ALPK3: variants seen among roughly 807,000 people sequenced by gnomAD.
ALPK3 encodes the protein alpha kinase 3.
Under a neutral mutation model 140.0 loss-of-function variants are expected in ALPK3, and 102 were observed. The ratio of observed to expected loss-of-function variants is 0.73; its 90% CI spans 0.62 to 0.86. ALPK3 has a LOEUF of 0.86. Among genes scored for constraint, ALPK3 ranks in the 40% least tolerant of loss-of-function variants. The pLI is 0.00. For missense variants in ALPK3, 2,254 were observed against 2,208.2 expected, an observed-to-expected ratio of 1.02 and a Z score of -0.42; for synonymous variants, 938 against 898.5, an observed-to-expected ratio of 1.04 and a Z score of -0.79.
intron 7 of ALPK3, 121 bp downstream of exon 7, chr15:84,859,511 C>T (rs1963915038): frequency 1.5e-6 from 2 of 1,375,762 alleles, no homozygotes; most frequent in South Asian, 1.5e-5. Context: ...AGGGGAGGTC[C>T]TTTTATTCCC....
intron 12 of ALPK3, among the ~76,000 whole-genome samples, chr15:84,865,144 C>A (rs151282847): frequency 6.6e-6 from 1 of 152,290 alleles, no homozygotes; most frequent in African/African-American, 2.4e-5. Context: ...AGTCTAGCTT[C>A]TTTTTAGTTT....
intron 6 of ALPK3, 141 bp from the exon 7 acceptor site, chr15:84,859,101 AC>A: frequency 8.8e-7 from 1 of 1,142,334 alleles, no homozygotes; most frequent in Non-Finnish European, 1.2e-6. Context: ...GGCAGGAGGC[AC>A]CGGGGGGCTG....
chr15:84,845,619 G>A (rs1963721481), intron 5 of ALPK3, among the ~76,000 whole-genome samples: 1 of 152,180 alleles, frequency 6.6e-6, no homozygotes, highest in South Asian at 2.1e-4. Context: ...GATTGTTCCT[G>A]CATGGATCTG....
chr15:84,867,408 C>T lies in ALPK3; in HGVS notation c.4772+43C>T, dbSNP rs566584212. 1.6e-5 allele frequency: 25 copies of T among 1,608,846 alleles called. No individual in the cohort carries two copies. The South Asian group carries it at 2.3e-4, about 15-fold the overall frequency. On this transcript the variant is annotated intron_variant, in intron 13 of 13. Transcript: ENST00000258888. ...ACAGAATGCCCTCTGGGCGTCTTCT[C>T]AGGGTGTAAAATGTCCTAAGCCCTT...
At position 84,817,606 on chromosome 15, in the gene ALPK3, C is replaced by G; in HGVS notation, c.143+11C>G. On this transcript the variant is annotated intron_variant, in intron 1 of 13. Coordinates refer to ENST00000258888, the MANE Select transcript of ALPK3 (RefSeq NM_020778.5). ...GCGGCCCGAGACCAGGTAAGTGGCACCAAGGGGCAGGGCGGCGTCGGGCCG... is the reference window on the plus strand; with the variant it reads ...GCGGCCCGAGACCAGGTAAGTGGCAGCAAGGGGCAGGGCGGCGTCGGGCCG... 2.0e-6 allele frequency: 3 copies of G among 1,491,818 alleles called. No homozygotes were observed. The highest frequency in any genetic ancestry group is 2.7e-6 in the Non-Finnish European group (3 of 1,126,094). The allele number at this position is 1,491,818 out of a possible 1,614,324, so 92.4% of individuals were successfully genotyped here.
Position 84,863,497 on chromosome 15 carries a change from C to G in ALPK3, c.4411-55C>G, listed in dbSNP as rs1963971104. 1.6e-5 allele frequency: 24 copies of G among 1,499,546 alleles called. No homozygotes were observed. In the South Asian group the frequency reaches 2.7e-4, roughly 17 times the overall value. 92.9% of individuals were successfully genotyped at this position (1,499,546 alleles called of 1,614,324 possible). A position where few individuals can be genotyped will look rare whatever the true frequency, so the allele number is the denominator to read the frequency against. On this transcript the variant is annotated intron_variant, in intron 10 of 13. Coordinates refer to ENST00000258888, the MANE Select transcript of ALPK3 (RefSeq NM_020778.5). ...TAGCCCACTCACTTAGGGGTAGACACAGTGGAGGACTGAGGAATTTCTTTG... is the reference window on the plus strand; with the variant it reads ...TAGCCCACTCACTTAGGGGTAGACAGAGTGGAGGACTGAGGAATTTCTTTG...
chr15:84,864,081 C>G (rs968436395), intron 11 of ALPK3, among the ~76,000 whole-genome samples: 2 of 152,118 alleles, frequency 1.3e-5, no homozygotes, highest in Non-Finnish European at 2.9e-5. Flanking sequence ...CTTTGCATAC[C>G]TGGGGTCCCA....
chr15:84,837,593 G>A (rs1963609227), intron 3 of ALPK3, among the ~76,000 whole-genome samples: 1 of 152,188 alleles, frequency 6.6e-6, no homozygotes, highest in Admixed American at 6.5e-5. Flanking sequence ...ATATCTTTGA[G>A]TGAATGTATG....
rs549394061 is a variant in ALPK3 at position 84,856,430 on chromosome 15, G to A, written c.1692G>A (p.Ser564=). 1.6e-5 allele frequency: 26 copies of A among 1,610,002 alleles called. No homozygotes were observed. The highest frequency in any genetic ancestry group is 5.1e-5 in the Admixed American group (3 of 59,270). ...ECQTTTAPTM[S]ASSSSDVASI... is the part of the protein sequence containing the mutation. ...AGACAACCACGGCTCCTACCATGTC[G>A]GCCAGCAGCAGCTCTGATGTAGCCT... Residue 564 remains serine, a synonymous_variant, in exon 6 of 14, where the codon TCG becomes TCA. Coordinates refer to ENST00000258888, the MANE Select transcript of ALPK3 (RefSeq NM_020778.5).
chr15:84,823,166 G>A (rs148120523), intron 1 of ALPK3, among the ~76,000 whole-genome samples, 164 bp from the exon 2 acceptor site: 17 of 152,290 alleles, frequency 1.1e-4, no homozygotes, highest in African/African-American at 3.8e-4. Context: ...CCGGTGGTCA[G>A]GCCAGTTGCT....
intron 3 of ALPK3, among the ~76,000 whole-genome samples, chr15:84,831,353 A>G (rs73437930): frequency 0.067 from 10,139 of 152,240 alleles, 419 homozygotes; most frequent in African/African-American, 0.098. Context: ...CTTACTTTAC[A>G]AACTCCTGTT....
chr15:84,820,460 C>T (rs1963409290), intron 1 of ALPK3, among the ~76,000 whole-genome samples: 1 of 152,106 alleles, frequency 6.6e-6, no homozygotes, highest in Non-Finnish European at 1.5e-5. Flanking sequence ...GCCTACTTCA[C>T]TCTTTTATGT....
Position 84,857,540 on chromosome 15 carries a change from G to T in ALPK3, c.2802G>T (p.Gly934=). The stretch of plus-strand genomic sequence containing the variant: ...AAACCATGGCCACCAGCAGTGAGGG[G>T]GCCTGCGCCCAGGTACCAGATGTGG... ...PPETMATSSE[G]ACAQVPDVEG... Residue 934 remains glycine (G), a synonymous_variant, in exon 6 of 14, where the codon GGG becomes GGT. Transcript: ENST00000258888. 6.3e-7 allele frequency: 1 copy of T among 1,588,248 alleles called. No individual in the cohort carries two copies. Among genetic ancestry groups the T allele is most frequent in the East Asian group, 2.2e-5 (1 of 44,628 alleles).
In ALPK3 at chr15:84,840,117, G is replaced by A; in HGVS notation, c.838G>A (p.Ala280Thr). The A allele has an allele frequency of 6.2e-7, 1 of 1,614,134 alleles. No individual in the cohort carries two copies. Among genetic ancestry groups the A allele is most frequent in the Non-Finnish European group, 8.5e-7 (1 of 1,180,022 alleles). ...ASGEVTTNGE[A>T]APENGEDGEH... ...TGGAGAAGTGACCACCAACGGGGAG[G>A]CTGCCCCCGAGAATGGAGAGGACGG... The change falls in exon 5 of 14, where the codon GCT becomes ACT. Residue 280 changes from alanine (A) to threonine (T), a missense_variant. Ala to Thr is a moderately conservative substitution (Grantham distance 58). Coordinates refer to ENST00000258888, the MANE Select transcript of ALPK3 (RefSeq NM_020778.5).
chr15:84,859,715 G>A (rs1241443524), intron 7 of ALPK3, 61 bp from the exon 8 acceptor site: 14 of 1,541,526 alleles, frequency 9.1e-6, no homozygotes, highest in African/African-American at 6.8e-5. Flanking sequence ...GTCCAAGGAC[G>A]CTTAGGACCA....
chr15:84,862,962 C>A, intron 10 of ALPK3, 47 bp downstream of exon 10: 2 of 1,581,468 alleles, frequency 1.3e-6, no homozygotes, highest in Non-Finnish European at 1.7e-6. Flanking sequence ...CTCTCACCCC[C>A]TCCCCTTTCC....
At chr15:84,860,095 G>T (rs754948642) in intron 9 of ALPK3, 23 bp downstream of exon 9, 1 of 1,613,852 alleles carries the variant, frequency 6.2e-7, no homozygotes, top group South Asian at 1.1e-5. Flanking sequence ...CCTGGGGAAG[G>T]CGGGGTGGTC....
intron 9 of ALPK3, among the ~76,000 whole-genome samples, chr15:84,861,825 G>A (rs1349716993): frequency 6.6e-6 from 1 of 152,072 alleles, no homozygotes; most frequent in East Asian, 1.9e-4. Context: ...GACCAGTGAG[G>A]TTTATTTTTT....
At chr15:84,860,794 C>A (rs1283099100) in intron 9 of ALPK3, among the ~76,000 whole-genome samples, 2 of 152,236 alleles carry the variant, frequency 1.3e-5, no homozygotes, top group Admixed American at 1.3e-4. Flanking sequence ...GTGATCTTGG[C>A]TCACTGCAAC....
Sources: allele counts gnomAD v4.1 joint callset (sites outside exome capture counted in the v4.1 genomes callset), GRCh38; gene constraint gnomAD v4.1.1; transcripts MANE v1.5; gene names NCBI Gene and HGNC (gene_info 2026-07-23, HGNC 2026-07-21).